Variants in ATP8A2 observed in about 807,000 individuals in gnomAD.
ATP8A2 encodes the protein ATPase phospholipid transporting 8A2, also known as phospholipid-transporting ATPase IB.
Under a neutral mutation model 165.6 loss-of-function variants are expected in ATP8A2, and 100 were observed. The observed-to-expected ratio is 0.60, with a 90% CI of 0.51 to 0.71. The LOEUF is 0.71. Ranked by LOEUF, ATP8A2 falls within the 30% of genes least tolerant of loss-of-function variation. ATP8A2 has a pLI of 0.00. For missense variants in ATP8A2, 1,227 were observed against 1,479.5 expected, an observed-to-expected ratio of 0.83 and a Z score of 2.80; for synonymous variants, 543 against 548.8, an observed-to-expected ratio of 0.99 and a Z score of 0.15.
intron 2 of ATP8A2, among the ~76,000 whole-genome samples, chr13:25,513,708 A>G (rs1017062679): frequency 2.0e-5 from 3 of 152,120 alleles, no homozygotes; most frequent in African/African-American, 7.2e-5. Context: ...CAATCCCGGC[A>G]CCTCGGGAGG....
chr13:25,490,252 C>G (rs549074837), intron 2 of ATP8A2, among the ~76,000 whole-genome samples: 31 of 152,366 alleles, frequency 2.0e-4, no homozygotes, highest in African/African-American at 7.5e-4. Context: ...GAGCAGCCTC[C>G]TGGCCTGTTT....
chr13:25,531,495 CTCTCTG>C (rs1297202478), intron 4 of ATP8A2, among the ~76,000 whole-genome samples: 1 of 147,888 alleles, frequency 6.8e-6, no homozygotes, highest in Admixed American at 6.9e-5. Flanking sequence ...CATGTGCTGT[CTCTCTG>C]TCTCTGGATC....
chr13:25,670,279 G>T (rs1241426017), intron 24 of ATP8A2, among the ~76,000 whole-genome samples: 1 of 152,178 alleles, frequency 6.6e-6, no homozygotes, highest in East Asian at 1.9e-4. Flanking sequence ...CCACTGCATA[G>T]AAATCTAAGT....
rs1240568913 is a variant in ATP8A2 at position 25,372,095 on chromosome 13, C to G, written c.-118C>G. On this transcript the variant is annotated 5_prime_UTR_variant, in exon 1 of 37. Coordinates refer to ENST00000381655, the MANE Select transcript of ATP8A2 (RefSeq NM_016529.6). The surrounding 1 kb of genome is among the most constrained non-coding windows in gnomAD (Gnocchi z 4.8). ...CACAGGCGCCGGCGGTCCCCGCCAG[C>G]TAGCAGCCCGGCGAGGCGCTGGCCC... The G allele has an allele frequency of 7.5e-6, 5 of 666,558 alleles. No homozygotes were observed. The highest frequency in any genetic ancestry group is 1.9e-5 in the African/African-American group (1 of 52,086). The allele number at this position is 666,558 out of a possible 1,614,324, so 41.3% of individuals were successfully genotyped here.
intron 33 of ATP8A2, among the ~76,000 whole-genome samples, chr13:25,881,737 T>G (rs1422171464): frequency 1.3e-5 from 2 of 152,194 alleles, no homozygotes; most frequent in African/African-American, 4.8e-5. Context: ...GGTGTTTCCC[T>G]CAGTAACCCC....
intron 1 of ATP8A2, among the ~76,000 whole-genome samples, chr13:25,460,655 C>T (rs565821295): frequency 2.0e-5 from 3 of 152,294 alleles, no homozygotes; most frequent in South Asian, 2.1e-4. Flanking sequence ...GTGTATATTG[C>T]TGTACTTATT....
intron 7 of ATP8A2, among the ~76,000 whole-genome samples, chr13:25,538,788 G>T (rs2038369315): frequency 6.6e-6 from 1 of 152,088 alleles, no homozygotes; most frequent in African/African-American, 2.4e-5. Context: ...CATGCTGTTT[G>T]CATTTTCTTT....
At chr13:25,474,357 T>G (rs2035932901) in intron 2 of ATP8A2, among the ~76,000 whole-genome samples, 1 of 152,072 alleles carries the variant, frequency 6.6e-6, no homozygotes, top group African/African-American at 2.4e-5. Context: ...GTCAGGAGAT[T>G]GAGACCATCC....
intron 27 of ATP8A2, among the ~76,000 whole-genome samples, chr13:25,827,229 AC>A (rs928085066): frequency 2.0e-5 from 3 of 149,374 alleles, no homozygotes; most frequent in Admixed American, 1.3e-4. Context: ...CCTGCCTCAG[AC>A]CCCCCCGAGT....
At chr13:25,949,759 G>A (rs530870061) in intron 33 of ATP8A2, among the ~76,000 whole-genome samples, 22 of 152,218 alleles carry the variant, frequency 1.4e-4, no homozygotes, top group East Asian at 1.9e-4. Flanking sequence ...TTCAGTGAAC[G>A]TTGCTTTATT....
At chr13:25,653,824 A>G (rs1335888870) in intron 24 of ATP8A2, among the ~76,000 whole-genome samples, 2 of 152,130 alleles carry the variant, frequency 1.3e-5, no homozygotes, top group African/African-American at 4.8e-5. Context: ...CAGGCAGAGG[A>G]GGATAAGCAT....
intron 35 of ATP8A2, among the ~76,000 whole-genome samples, chr13:26,007,923 A>T (rs1406345799): frequency 6.6e-6 from 1 of 152,018 alleles, no homozygotes; most frequent in Non-Finnish European, 1.5e-5. Context: ...AACTAGAAAA[A>T]TTTTTCTCCT....
At chr13:25,681,533 C>CGCAGGGAAACGTGCAG (rs1348459701) in intron 24 of ATP8A2, among the ~76,000 whole-genome samples, 2 of 152,140 alleles carry the variant, frequency 1.3e-5, no homozygotes, top group Non-Finnish European at 2.9e-5. Flanking sequence ...GTTCAGTCCA[C>CGCAGGGAAACGTGCAG]GCAGGGAAAC....
Position 25,622,691 on chromosome 13 carries a change from A to G in ATP8A2, c.2211+32992A>G, listed in dbSNP as rs550144971. ...GTCAAAATGCAGGCACACAACACAT[A>G]GTTTCTTCAGCATCTCCAGGGGAAT... On this transcript the variant is annotated intron_variant, in intron 24 of 36. Coordinates refer to ENST00000381655, the MANE Select transcript of ATP8A2 (RefSeq NM_016529.6). Among the ~76,000 whole-genome samples the G allele has an allele frequency of 3.9e-5, 6 of 152,266 alleles. No individual in the cohort carries two copies. The East Asian group carries it at 5.8e-4, about 15-fold the overall frequency.
intron 33 of ATP8A2, among the ~76,000 whole-genome samples, chr13:25,893,032 C>G (rs1204531695): frequency 2.6e-5 from 4 of 151,286 alleles, no homozygotes; most frequent in African/African-American, 9.7e-5. Context: ...ATTTTTTTTT[C>G]TTTTAGAAAA....
At chr13:25,748,609 G>A (rs1172125663) in intron 25 of ATP8A2, among the ~76,000 whole-genome samples, 1 of 152,198 alleles carries the variant, frequency 6.6e-6, no homozygotes, top group African/African-American at 2.4e-5. Context: ...TCTTTCTTGT[G>A]CTTTCAGTGC....
intron 24 of ATP8A2, among the ~76,000 whole-genome samples, chr13:25,627,373 G>A (rs2041128319): frequency 6.6e-6 from 1 of 152,146 alleles, no homozygotes; most frequent in Admixed American, 6.6e-5. Flanking sequence ...TGACAGGGCT[G>A]TGGATTGAAT....
rs139436316 is a variant in ATP8A2, at chr13:25,754,816, G to C, written c.2385-14230G>C. Among the ~76,000 whole-genome samples the C allele has an allele frequency of 2.0e-3, 307 of 152,212 alleles. 5 individuals carry two copies. Among genetic ancestry groups the C allele is most frequent in the Admixed American group, 0.017 (261 of 15,284 alleles). ...ATTAGGATTTTAGGCTAAGAAAAAT[G>C]GTCTTCTGTTGGAGTGGATGGTTGT... On this transcript the variant is annotated intron_variant, in intron 25 of 36. Coordinates refer to ENST00000381655, the MANE Select transcript of ATP8A2 (RefSeq NM_016529.6).
chr13:25,712,737 G>T (rs1011619730), intron 25 of ATP8A2, among the ~76,000 whole-genome samples: 6 of 152,168 alleles, frequency 3.9e-5, no homozygotes, highest in Non-Finnish European at 8.8e-5. Context: ...TCTTACTGTA[G>T]AATTTTTAGT....
Sources: gnomAD v4.1 joint callset for allele counts (sites outside exome capture counted in the v4.1 genomes callset) on GRCh38, gnomAD v4.1.1 for gene constraint, Gnocchi (gnomAD v3.1) non-coding constraint, MANE v1.5 for transcripts, NCBI Gene and HGNC (gene_info 2026-07-23, HGNC 2026-07-21) for gene names.